C2CD5: variants seen among roughly 807,000 people sequenced by gnomAD.
The protein encoded by C2CD5 is C2 calcium dependent domain containing 5, also known as C2 domain-containing protein 5.
In C2CD5, 109 loss-of-function variants were observed where a neutral mutation model predicts 130.3. The ratio of observed to expected loss-of-function variants is 0.84; its 90% confidence interval spans 0.72 to 0.98. The LOEUF (loss-of-function observed/expected upper bound fraction) is 0.98, where lower values mean the gene tolerates loss of function less well. C2CD5 is among the 50% of genes least tolerant of loss of function. The pLI, the probability that C2CD5 is intolerant of heterozygous loss-of-function variation, is 0.00. For missense variants in C2CD5, 996 were observed against 1,261.8 expected (o/e 0.79, Z 3.19); for synonymous variants, 454 against 429.2 (o/e 1.06, Z -0.71).
intron 12 of C2CD5, among the ~76,000 whole-genome samples, chr12:22,488,816 T>C (rs1945950845): frequency 6.6e-6 from 1 of 151,676 alleles, no homozygotes; most frequent in Non-Finnish European, 1.5e-5. Context: ...AACTAGAATA[T>C]CTTAGTTATA....
Position 22,459,466 on chromosome 12 carries a change from CT to C in C2CD5, c.2584+25del, listed in dbSNP as rs1427133463. On this transcript the variant is annotated intron_variant, in intron 23 of 26. Coordinates refer to ENST00000446597, the MANE Select transcript of C2CD5 (RefSeq NM_001286176.2). ...AACTAGAATTTTACACCTTTGGTGA[CT>C]ATTTGCTTAATTAGACAAACTCACC... The C allele has an allele frequency of 3.4e-6, 5 of 1,470,514 alleles. No individual in the cohort carries two copies. The East Asian group carries it at 9.9e-5, about 29-fold the overall frequency. 91.1% of individuals were successfully genotyped at this position (1,470,514 alleles called of 1,614,324 possible).
At chr12:22,494,978 C>G (rs1429698477) in intron 10 of C2CD5, among the ~76,000 whole-genome samples, 1 of 152,000 alleles carries the variant, frequency 6.6e-6, no homozygotes, top group Non-Finnish European at 1.5e-5. Flanking sequence ...ATTTTTCTAT[C>G]ATAAGATGAA....
chr12:22,500,179 A>G (rs886236311), intron 10 of C2CD5, among the ~76,000 whole-genome samples: 3 of 151,974 alleles, frequency 2.0e-5, no homozygotes, highest in Non-Finnish European at 4.4e-5. Flanking sequence ...GCAAGATTCC[A>G]TCTCCAAAAC....
At chr12:22,527,510 G>T (rs1950834523) in intron 4 of C2CD5, among the ~76,000 whole-genome samples, 1 of 151,632 alleles carries the variant, frequency 6.6e-6, no homozygotes, top group Non-Finnish European at 1.5e-5. Context: ...TAGAGACGGG[G>T]TTTCTCCATG....
chr12:22,509,587 C>T (rs1948958559), intron 9 of C2CD5, among the ~76,000 whole-genome samples: 1 of 152,192 alleles, frequency 6.6e-6, no homozygotes, highest in African/African-American at 2.4e-5. Context: ...AACCAAAACT[C>T]CGTCTTCATA....
intron 23 of C2CD5, among the ~76,000 whole-genome samples, chr12:22,459,272 T>C (rs1940607895): frequency 6.6e-6 from 1 of 152,082 alleles, no homozygotes; most frequent in African/African-American, 2.4e-5. Flanking sequence ...TAAAATTTTA[T>C]GCTTAGAAAC....
chr12:22,503,369 TGTTTC>T (rs1948056623), intron 10 of C2CD5, among the ~76,000 whole-genome samples: 1 of 152,236 alleles, frequency 6.6e-6, no homozygotes, highest in Non-Finnish European at 1.5e-5. Context: ...AGTTTTGTTT[TGTTTC>T]AACATTCAGC....
chr12:22,488,585 T>C (rs1945898413), intron 12 of C2CD5, among the ~76,000 whole-genome samples: 1 of 152,096 alleles, frequency 6.6e-6, no homozygotes, highest in Non-Finnish European at 1.5e-5. Flanking sequence ...AACTTAAGAA[T>C]GAAATCTACA....
chr12:22,537,213 T>C (rs1951901841), intron 2 of C2CD5, among the ~76,000 whole-genome samples: 1 of 152,110 alleles, frequency 6.6e-6, no homozygotes, highest in South Asian at 2.1e-4. Context: ...GATCCGATAG[T>C]CCACAAACTG....
chr12:22,470,954 C>A (rs781447608), intron 20 of C2CD5, 43 bp from the exon 21 acceptor site: 17 of 1,355,154 alleles, frequency 1.3e-5, no homozygotes, highest in African/African-American at 2.9e-5. Context: ...ATAATCACTG[C>A]CAAAACTAAG....
chr12:22,503,084 G>C (rs1948009954), intron 10 of C2CD5, among the ~76,000 whole-genome samples: 1 of 152,244 alleles, frequency 6.6e-6, no homozygotes, highest in Admixed American at 6.5e-5. Flanking sequence ...ATTTACCAAA[G>C]GAGGATGTTC....
chr12:22,458,601 G>T lies in C2CD5; in HGVS notation c.2585-16C>A. The T allele has an allele frequency of 8.6e-7, 1 of 1,163,926 alleles. No homozygotes were observed. Among genetic ancestry groups the T allele is most frequent in the Non-Finnish European group, 1.1e-6 (1 of 916,048 alleles). 72.1% of individuals were successfully genotyped at this position (1,163,926 alleles called of 1,614,324 possible). A position where few individuals can be genotyped will look rare whatever the true frequency, so the allele number is the denominator to read the frequency against. The stretch of plus-strand genomic sequence containing the variant: ...ACTGACGTTGCTGAAAACACAGACA[G>T]AAAACAAAAGAAAAAAACAAAGAAA... On this transcript the variant is annotated splice_polypyrimidine_tract_variant and intron_variant, in intron 23 of 26. Coordinates refer to ENST00000446597, the MANE Select transcript of C2CD5 (RefSeq NM_001286176.2).
chr12:22,483,270 G>A (rs1420841605), intron 13 of C2CD5, among the ~76,000 whole-genome samples: 1 of 151,844 alleles, frequency 6.6e-6, no homozygotes, highest in Non-Finnish European at 1.5e-5. Flanking sequence ...AATCACTAGA[G>A]AATATCATTT....
chr12:22,539,848 G>T lies in C2CD5; in HGVS notation c.90+4213C>A, dbSNP rs549996029. On this transcript the variant is annotated intron_variant, in intron 2 of 26. Coordinates refer to ENST00000446597, the MANE Select transcript of C2CD5 (RefSeq NM_001286176.2). ...GTCTCTACAAAAATACAAAAAATTAGCCAGGCATGGTGGTGCACTGGTAGT... is the reference window on the plus strand; with the variant it reads ...GTCTCTACAAAAATACAAAAAATTATCCAGGCATGGTGGTGCACTGGTAGT... Among the ~76,000 whole-genome samples the T allele has an allele frequency of 3.0e-4, 45 of 152,148 alleles. 2 individuals are homozygous for T. Among genetic ancestry groups the T allele is most frequent in the African/African-American group, 1.1e-3 (44 of 41,528 alleles).
chr12:22,452,944 C>G (rs373146868), intron 26 of C2CD5, among the ~76,000 whole-genome samples: 57 of 152,164 alleles, frequency 3.7e-4, no homozygotes, highest in African/African-American at 1.3e-3. Context: ...AATGTCTTTT[C>G]AAACTGCTTA....
At chr12:22,485,482 TA>T (rs940359522) in intron 12 of C2CD5, among the ~76,000 whole-genome samples, 10 of 151,254 alleles carry the variant, frequency 6.6e-5, no homozygotes, top group African/African-American at 2.2e-4. Context: ...CCCCCAAAAT[TA>T]AAAAAAATCC....
chr12:22,523,530 A>C lies in C2CD5; in HGVS notation c.696T>G (p.Ser232=). 1 of 1,614,056 alleles carries C rather than the reference A, an allele frequency of 6.2e-7. No homozygotes were observed. Among genetic ancestry groups the C allele is most frequent in the Non-Finnish European group, 8.5e-7 (1 of 1,179,984 alleles). ...TTCCTATGGCTCGCACCACTAACCC[A>C]GACTCGCCCTCCAGATCGAAACACT... The part of the protein sequence containing the change: ...YLQCFDLEGE[S]GLVVRAIGTA... The change falls in exon 7 of 27, where the codon TCT becomes TCG. Residue 232 remains serine, a synonymous_variant. Coordinates refer to ENST00000446597, the MANE Select transcript of C2CD5 (RefSeq NM_001286176.2).
chr12:22,530,685 G>A (rs889461649), intron 3 of C2CD5, among the ~76,000 whole-genome samples: 1 of 151,944 alleles, frequency 6.6e-6, no homozygotes, highest in African/African-American at 2.4e-5. Flanking sequence ...TTGAACCCTG[G>A]ATCTCAGGTG....
intron 9 of C2CD5, among the ~76,000 whole-genome samples, chr12:22,508,147 C>A (rs985145704): frequency 1.3e-5 from 2 of 152,088 alleles, no homozygotes; most frequent in Non-Finnish European, 2.9e-5. Context: ...TGCACAAAAG[C>A]TATCAGTCCT....
Sources: gnomAD v4.1 joint callset for allele counts (sites outside exome capture counted in the v4.1 genomes callset) on GRCh38, gnomAD v4.1.1 for gene constraint, MANE v1.5 for transcripts, NCBI Gene and HGNC (gene_info 2026-07-23, HGNC 2026-07-21) for gene names.